The following SEMA6D variants were observed in gnomAD, a reference collection of about 807,000 sequenced individuals.
SEMA6D encodes the protein semaphorin-6D.
In SEMA6D, 35 loss-of-function variants were observed where a neutral mutation model predicts 106.6. The ratio of observed to expected loss-of-function variants is 0.33; its 90% confidence interval spans 0.25 to 0.44. The LOEUF is 0.44. Among genes scored for constraint, SEMA6D ranks in the 20% least tolerant of loss-of-function variants. The pLI is 1.00. For missense variants in SEMA6D, 1,185 were observed against 1,345.9 expected, an observed-to-expected ratio of 0.88 and a Z score of 1.87; for synonymous variants, 499 against 487.7, an observed-to-expected ratio of 1.02 and a Z score of -0.31.
At chr15:47,248,446 C>T (rs2033323163) in intron 1 of SEMA6D, among the ~76,000 whole-genome samples, 1 of 152,134 alleles carries the variant, frequency 6.6e-6, no homozygotes, top group South Asian at 2.1e-4. Flanking sequence ...GCCCAATTTA[C>T]CCCAAAGTGC....
intron 1 of SEMA6D, among the ~76,000 whole-genome samples, chr15:47,357,265 C>T (rs954288349): frequency 6.6e-5 from 10 of 151,866 alleles, no homozygotes; most frequent in Admixed American, 5.2e-4. Flanking sequence ...ACCTGGGGGG[C>T]GGAGCCTGCA....
intron 3 of SEMA6D, among the ~76,000 whole-genome samples, chr15:47,512,141 C>G (rs534095628): frequency 6.6e-6 from 1 of 152,142 alleles, no homozygotes; most frequent in African/African-American, 2.4e-5. Context: ...TAGCTACAAG[C>G]GCAGTGCTTT....
At chr15:47,443,462 A>G (rs1229901169) in intron 2 of SEMA6D, among the ~76,000 whole-genome samples, 1 of 152,084 alleles carries the variant, frequency 6.6e-6, no homozygotes, top group Non-Finnish European at 1.5e-5. Context: ...AGGTCCCAAG[A>G]CTACAACAAC....
At chr15:47,224,536 G>T (rs1398226091) in intron 1 of SEMA6D, among the ~76,000 whole-genome samples, 2 of 152,064 alleles carry the variant, frequency 1.3e-5, no homozygotes, top group Non-Finnish European at 2.9e-5. Flanking sequence ...TGAAAATGAC[G>T]TTTTATCTCA....
At chr15:47,735,418 C>G (rs2080387657) in intron 1 of SEMA6D, among the ~76,000 whole-genome samples, 1 of 152,224 alleles carries the variant, frequency 6.6e-6, no homozygotes, top group Non-Finnish European at 1.5e-5. Flanking sequence ...TCTCCTAGTT[C>G]AGTCAGCTTG....
intron 2 of SEMA6D, among the ~76,000 whole-genome samples, chr15:47,449,661 C>T (rs1383038094): frequency 6.6e-6 from 1 of 152,098 alleles, no homozygotes; most frequent in East Asian, 1.9e-4. Context: ...TGGGGCTTCA[C>T]ATCGTACATG....
chr15:47,251,250 A>G (rs542317884), intron 1 of SEMA6D, among the ~76,000 whole-genome samples: 8 of 152,298 alleles, frequency 5.3e-5, no homozygotes, highest in Admixed American at 3.9e-4. Flanking sequence ...TATTCCTAAC[A>G]TGAAGGTTTT....
At chr15:47,307,911 A>T (rs1444836117) in intron 1 of SEMA6D, among the ~76,000 whole-genome samples, 1 of 152,110 alleles carries the variant, frequency 6.6e-6, no homozygotes, top group Non-Finnish European at 1.5e-5. Context: ...GCCATGACAT[A>T]CTTGTTTGAT....
chr15:47,536,152 G>C (rs903895996), intron 3 of SEMA6D, among the ~76,000 whole-genome samples: 1 of 152,070 alleles, frequency 6.6e-6, no homozygotes, highest in African/African-American at 2.4e-5. Flanking sequence ...TTTCATTTTT[G>C]TTCAATTTAA....
rs549695295 is a variant in SEMA6D, at chr15:47,687,876, G to C, written c.-54-71869G>C. 3.3e-5 allele frequency among the ~76,000 whole-genome samples: 5 copies of C among 152,280 alleles called. No homozygotes were observed. The South Asian group carries it at 1.0e-3, about 32-fold the overall frequency. On this transcript the variant is annotated intron_variant, in intron 4 of 19. Coordinates refer to the SEMA6D transcript ENST00000558014. ...ATTATAGGATGGTACTGTTTAGGGA[G>C]ATGAAAATATTGGAGGAACAGCAGT...
In SEMA6D at chr15:47,770,834, G is replaced by T. The variant is rs1175459235; in HGVS notation, c.2271G>T (p.Met757Ile). 2 of 1,613,748 alleles carry T rather than the reference G, an allele frequency of 1.2e-6. No individual in the cohort carries two copies. The highest frequency in any genetic ancestry group is 2.7e-5 in the African/African-American group (2 of 74,894). Residue 757 changes from methionine to isoleucine, a missense_variant, in exon 19 of 19, where the codon ATG (methionine) becomes ATT (isoleucine). Physicochemically the swap from Met to Ile is conservative, Grantham distance 10 (BLOSUM62 1). Coordinates refer to ENST00000536845, the MANE Select transcript of SEMA6D (RefSeq NM_001358351.3). ...CACCCAATGGAGATACTAAATCCAT[G>T]GTAATGGACCATCGAGGGCAACCTC... ...ELPPNGDTKS[M>I]VMDHRGQPPE...
chr15:47,680,547 T>C lies in SEMA6D; in HGVS notation c.-54-79198T>C, dbSNP rs191288289. ...TACCCTTACCCCTCAAAAAATGAGG[T>C]TGATGACACAAATGTGGAGACATGG... On this transcript the variant is annotated intron_variant, in intron 4 of 19. Coordinates refer to the SEMA6D transcript ENST00000558014. 6.7e-4 allele frequency among the ~76,000 whole-genome samples: 102 copies of C among 152,274 alleles called. 2 individuals carry two copies. The highest frequency in any genetic ancestry group is 2.3e-3 in the African/African-American group (97 of 41,554).
chr15:47,340,432 ACAGGGAACCCTC>A (rs1395493410), intron 1 of SEMA6D, among the ~76,000 whole-genome samples: 8 of 152,250 alleles, frequency 5.3e-5, no homozygotes, highest in Middle Eastern at 3.4e-3. Flanking sequence ...TCTGAGGAGA[ACAGGGAACCCTC>A]CAGCCTTTCC....
intron 4 of SEMA6D, among the ~76,000 whole-genome samples, chr15:47,618,013 T>C (rs745564086): frequency 5.9e-5 from 9 of 152,218 alleles, no homozygotes; most frequent in Non-Finnish European, 1.3e-4. Flanking sequence ...TGCATTTTTA[T>C]TGATTTATTC....
At chr15:47,589,220 C>T (rs1320145146) in intron 3 of SEMA6D, among the ~76,000 whole-genome samples, 1 of 152,182 alleles carries the variant, frequency 6.6e-6, no homozygotes, top group African/African-American at 2.4e-5. Flanking sequence ...TCCCACCACA[C>T]CACCTCCATT....
At chr15:47,313,051 C>G (rs1360405516) in intron 1 of SEMA6D, among the ~76,000 whole-genome samples, 2 of 152,150 alleles carry the variant, frequency 1.3e-5, no homozygotes, top group African/African-American at 4.8e-5. Context: ...CCCACACATG[C>G]ATAGCCTCCC....
At chr15:47,706,047 T>C (rs937127965) in intron 4 of SEMA6D, among the ~76,000 whole-genome samples, 1 of 152,142 alleles carries the variant, frequency 6.6e-6, no homozygotes, top group African/African-American at 2.4e-5. Context: ...TTAAGGAATA[T>C]GAGAGGAAGA....
In SEMA6D at chr15:47,766,027, T is replaced by C; in HGVS notation, c.1568+18T>C. ...TGTAAAAAGTAAGCTCGTGTTTCTT[T>C]ACTTACCCTGGGTCTTGCAGTATCG... On this transcript the variant is annotated intron_variant, in intron 14 of 18. Coordinates refer to ENST00000536845, the MANE Select transcript of SEMA6D (RefSeq NM_001358351.3). The C allele has an allele frequency of 6.2e-7, 1 of 1,605,328 alleles. No homozygotes were observed. The highest frequency in any genetic ancestry group is 8.5e-7 in the Non-Finnish European group (1 of 1,174,556).
rs188087993 is a variant in SEMA6D, at chr15:47,324,426, A to C, written c.-238-87967A>C. On this transcript the variant is annotated intron_variant, in intron 1 of 19. Transcript: ENST00000558014. The stretch of plus-strand genomic sequence containing the variant: ...CATGTCAGAAAAGCATATCGGTTTC[A>C]AATATAAACACTAAATAAAAAAGAC... Among the ~76,000 whole-genome samples, 993 of 152,180 alleles carry C rather than the reference A, an allele frequency of 6.5e-3. 33 individuals are homozygous for C. The highest frequency in any genetic ancestry group is 3.3e-3 in the Non-Finnish European group (224 of 67,988).
Sources: allele counts gnomAD v4.1 joint callset (sites outside exome capture counted in the v4.1 genomes callset), GRCh38; gene constraint gnomAD v4.1.1; transcripts MANE v1.5; gene names NCBI Gene and HGNC (gene_info 2026-07-23, HGNC 2026-07-21).